MEDAG: variants seen among roughly 807,000 people sequenced by gnomAD.
MEDAG encodes mesenteric estrogen dependent adipogenesis.
In MEDAG, 25 loss-of-function variants were observed where a neutral mutation model predicts 29.9. The observed-to-expected ratio is 0.84, with a 90% confidence interval of 0.61 to 1.17. MEDAG has a LOEUF of 1.17. MEDAG is among the 50% of genes most tolerant of loss of function. The pLI, the probability that MEDAG is intolerant of heterozygous loss-of-function variation, is 0.00. For missense variants in MEDAG, 398 were observed against 372.9 expected (o/e 1.07, Z -0.56); for synonymous variants, 158 against 148.2 (o/e 1.07, Z -0.48).
At chr13:30,912,530 C>CAT (rs1952891608) in intron 1 of MEDAG, among the ~76,000 whole-genome samples, 1 of 135,096 alleles carries the variant, frequency 7.4e-6, no homozygotes, top group South Asian at 2.4e-4. Context: ...CACACACACA[C>CAT]ACCCCACCCT....
chr13:30,922,804 C>T (rs1203449109), intron 4 of MEDAG: 2 of 152,188 alleles, frequency 1.3e-5, no homozygotes, highest in Admixed American at 6.5e-5. Flanking sequence ...AGGACTCTTG[C>T]TGCTAATTGC....
intron 4 of MEDAG, chr13:30,922,625 G>A (rs1239476816): frequency 6.6e-6 from 1 of 152,212 alleles, no homozygotes; most frequent in Non-Finnish European, 1.5e-5. Flanking sequence ...TAACTCTTGA[G>A]AAGGTTTCAC....
At chr13:30,914,984 C>T (rs1391784870) in intron 1 of MEDAG, among the ~76,000 whole-genome samples, 1 of 152,192 alleles carries the variant, frequency 6.6e-6, no homozygotes, top group Non-Finnish European at 1.5e-5. Context: ...GACTGAACTC[C>T]ATGTAAACAG....
intron 1 of MEDAG, among the ~76,000 whole-genome samples, chr13:30,912,506 A>AAC (rs67281071): frequency 0.016 from 2,415 of 150,648 alleles, 26 homozygotes; most frequent in Middle Eastern, 0.045. Flanking sequence ...TTTTTTAATG[A>AAC]ACACACACAC....
rs1952954257 is a variant in MEDAG at position 30,918,758 on chromosome 13, A to G, written c.388+1246A>G. On this transcript the variant is annotated intron_variant, in intron 2 of 4. Coordinates refer to ENST00000380482, the MANE Select transcript of MEDAG (RefSeq NM_032849.4). ...TCCCCAAACATTCACTCTCATTCAA[A>G]TTTGTGGAGCTCTCTCTGCTCATTT... Among the ~76,000 whole-genome samples the G allele has an allele frequency of 2.0e-5, 3 of 152,328 alleles. No homozygotes were observed. In the South Asian group the frequency reaches 6.2e-4, roughly 32 times the overall value.
intron 1 of MEDAG, among the ~76,000 whole-genome samples, chr13:30,908,113 G>C (rs1952847193): frequency 6.6e-6 from 1 of 152,238 alleles, no homozygotes; most frequent in Non-Finnish European, 1.5e-5. Context: ...GGTTTTGACA[G>C]AACCAGTTCT....
At position 30,906,334 on chromosome 13, in the gene MEDAG, C is replaced by A. The variant is rs923497784; in HGVS notation, c.-182C>A. The A allele has an allele frequency of 1.0e-5, 5 of 497,330 alleles. No homozygotes were observed. The highest frequency in any genetic ancestry group is 1.6e-5 in the Non-Finnish European group (5 of 313,150). 30.8% of individuals were successfully genotyped at this position (497,330 alleles called of 1,614,324 possible). On this transcript the variant is annotated 5_prime_UTR_variant, in exon 1 of 5. Coordinates refer to ENST00000380482, the MANE Select transcript of MEDAG (RefSeq NM_032849.4). Reference sequence around the variant, plus strand: ...GGCAGCTTGGGAGGGGCCGCCCGGGCGGTCAGACTGGCACCTGAGCGGCCA... The same window carrying A: ...GGCAGCTTGGGAGGGGCCGCCCGGGAGGTCAGACTGGCACCTGAGCGGCCA...
chr13:30,915,890 G>A (rs1235654005), intron 1 of MEDAG, among the ~76,000 whole-genome samples: 1 of 151,926 alleles, frequency 6.6e-6, no homozygotes, highest in Admixed American at 6.6e-5. Flanking sequence ...CACTCCGTGA[G>A]CATCAACATC....
intron 4 of MEDAG, 72 bp downstream of exon 4, chr13:30,921,918 G>A: frequency 6.8e-7 from 1 of 1,460,424 alleles, no homozygotes; most frequent in Non-Finnish European, 9.2e-7. Context: ...ATGGAAGAGA[G>A]TCAATTGATT....
Position 30,906,491 on chromosome 13 carries a change from C to G in MEDAG, c.-25C>G. 6.8e-7 allele frequency: 1 copy of G among 1,468,532 alleles called. No individual in the cohort carries two copies. Among genetic ancestry groups the G allele is most frequent in the Non-Finnish European group, 9.0e-7 (1 of 1,115,738 alleles). 91.0% of individuals were successfully genotyped at this position (1,468,532 alleles called of 1,614,324 possible). ...GCTGTAGGCACCGGACGGAAGCAGG[C>G]GGTGTGAGGACCGACGACGCGGGCA... On this transcript the variant is annotated 5_prime_UTR_variant, in exon 1 of 5. Transcript: ENST00000380482.
At chr13:30,924,187 C>G (rs548347284) in intron 4 of MEDAG, 124 bp from the exon 5 acceptor site, 1 of 1,017,220 alleles carries the variant, frequency 9.8e-7, no homozygotes, top group South Asian at 1.9e-5. Flanking sequence ...TTGAATTTTT[C>G]TGAGGAAGCC....
rs1593506908 is a variant in MEDAG, at chr13:30,915,254, GATAA to G, written c.279-2145_279-2142del. 3.9e-5 allele frequency among the ~76,000 whole-genome samples: 6 copies of G among 152,162 alleles called. 1 individual carries two copies. The highest frequency in any genetic ancestry group is 1.9e-4 in the East Asian group (1 of 5,174). ...GCCTAATGATGATTTCAGCAACTAT[GATAA>G]ATATTCAATATGTAGAAGCAATATT... On this transcript the variant is annotated intron_variant, in intron 1 of 4. Coordinates refer to ENST00000380482, the MANE Select transcript of MEDAG (RefSeq NM_032849.4).
At chr13:30,914,598 A>T (rs1412552807) in intron 1 of MEDAG, among the ~76,000 whole-genome samples, 1 of 152,156 alleles carries the variant, frequency 6.6e-6, no homozygotes, top group Non-Finnish European at 1.5e-5. Context: ...CATACATTAC[A>T]CTCAACATGT....
Position 30,906,452 on chromosome 13 carries a change from G to A in MEDAG, c.-64G>A. The A allele has an allele frequency of 7.2e-7, 1 of 1,394,184 alleles. No individual in the cohort carries two copies. Among genetic ancestry groups the A allele is most frequent in the Non-Finnish European group, 9.3e-7 (1 of 1,078,088 alleles). 86.4% of individuals were successfully genotyped at this position (1,394,184 alleles called of 1,614,324 possible). On this transcript the variant is annotated 5_prime_UTR_variant, in exon 1 of 5. Transcript: ENST00000380482. ...GCCCGGCCCCTCCTGGGGACCATCA[G>A]GTGCCGGCTGGGGGCTGTAGGCACC...
chr13:30,920,471 C>T (rs1429249544), intron 2 of MEDAG, among the ~76,000 whole-genome samples: 1 of 152,000 alleles, frequency 6.6e-6, no homozygotes, highest in Non-Finnish European at 1.5e-5. Flanking sequence ...TGCCTGTGGT[C>T]CCAGCAACTT....
intron 1 of MEDAG, among the ~76,000 whole-genome samples, chr13:30,912,304 G>C (rs1000246387): frequency 6.6e-6 from 1 of 152,218 alleles, no homozygotes; most frequent in African/African-American, 2.4e-5. Flanking sequence ...GCGAGACTCT[G>C]TGTAAGGCGA....
intron 4 of MEDAG, 54 bp from the exon 5 acceptor site, chr13:30,924,256 GT>G (rs1050040158): frequency 1.1e-4 from 158 of 1,488,228 alleles, no homozygotes; most frequent in Non-Finnish European, 1.2e-4. Context: ...GGCACTGTTG[GT>G]TTTTTTTTCT....
chr13:30,917,905 G>T (rs59319457), intron 2 of MEDAG, among the ~76,000 whole-genome samples: 1 of 152,286 alleles, frequency 6.6e-6, no homozygotes, highest in African/African-American at 2.4e-5. Context: ...AACCATATCA[G>T]TATATAAATA....
chr13:30,908,883 G>T, intron 1 of MEDAG: 1 of 153,118 alleles, frequency 6.5e-6, no homozygotes, highest in Non-Finnish European at 1.5e-5. Flanking sequence ...AGCACTTTGG[G>T]AGGCTGAGGT....
Sources: allele counts gnomAD v4.1 joint callset (sites outside exome capture counted in the v4.1 genomes callset), GRCh38; gene constraint gnomAD v4.1.1; transcripts MANE v1.5; gene names NCBI Gene and HGNC (gene_info 2026-07-23, HGNC 2026-07-21).